Variants in GAS2 observed in about 807,000 individuals in gnomAD.
GAS2 encodes the protein growth arrest specific 2.
In GAS2, 20 loss-of-function variants were observed where a neutral mutation model predicts 37.5. The observed-to-expected ratio is 0.53, with a 90% CI of 0.37 to 0.77. The LOEUF (loss-of-function observed/expected upper bound fraction) is 0.77. Among genes scored for constraint, GAS2 ranks in the 30% least tolerant of loss-of-function variants. GAS2 has a pLI of 0.00. For missense variants in GAS2, 336 were observed against 373.4 expected, an observed-to-expected ratio of 0.90 and a Z score of 0.82; for synonymous variants, 144 against 132.2, an observed-to-expected ratio of 1.09 and a Z score of -0.61.
rs1015725857 is a variant in GAS2 at position 22,636,169 on chromosome 11, T to G, written c.-21+10356T>G. Among the ~76,000 whole-genome samples, 4 of 152,126 alleles carry G rather than the reference T, an allele frequency of 2.6e-5. 1 individual carries two copies. The highest frequency in any genetic ancestry group is 1.5e-5 in the Non-Finnish European group (1 of 68,030). On this transcript the variant is annotated intron_variant, in intron 1 of 5. Coordinates refer to the GAS2 transcript ENST00000528582. ...TCCTGTGTTGCTTCTTGGAGAAAAG[T>G]TCACAGCATGAATCTCTACACAGTA...
chr11:22,740,454 G>A (rs751543047), intron 5 of GAS2, among the ~76,000 whole-genome samples: 25 of 151,978 alleles, frequency 1.6e-4, no homozygotes, highest in Admixed American at 5.2e-4. Flanking sequence ...GAACTATTGT[G>A]TACCTTCAGC....
At chr11:22,731,043 A>T (rs1363438976) in intron 4 of GAS2, among the ~76,000 whole-genome samples, 9 of 151,742 alleles carry the variant, frequency 5.9e-5, no homozygotes, top group African/African-American at 2.2e-4. Context: ...CATGAAATTG[A>T]TGCTTTTATG....
chr11:22,706,547 A>C, intron 3 of GAS2, among the ~76,000 whole-genome samples: 3 of 148,728 alleles, frequency 2.0e-5, no homozygotes, highest in African/African-American at 7.5e-5. Context: ...ATGTGATCTC[A>C]TTGTTCAATT....
intron 1 of GAS2, among the ~76,000 whole-genome samples, chr11:22,650,415 C>T (rs1166034001): frequency 9.9e-5 from 15 of 151,920 alleles, no homozygotes; most frequent in Admixed American, 9.2e-4. Flanking sequence ...GTGGAGAGTT[C>T]TGTAGATGTC....
chr11:22,791,548 A>G (rs1856164081), intron 7 of GAS2, among the ~76,000 whole-genome samples: 1 of 152,240 alleles, frequency 6.6e-6, no homozygotes, highest in African/African-American at 2.4e-5. Flanking sequence ...GAGGCCACTA[A>G]TGTGACTTTA....
intron 7 of GAS2, among the ~76,000 whole-genome samples, chr11:22,784,507 T>G (rs1369573799): frequency 1.3e-5 from 2 of 152,162 alleles, no homozygotes; most frequent in African/African-American, 4.8e-5. Context: ...TTTCATTATC[T>G]GTAGAATGGA....
chr11:22,783,312 C>G (rs1335563546), intron 7 of GAS2, among the ~76,000 whole-genome samples: 1 of 151,922 alleles, frequency 6.6e-6, no homozygotes, highest in Non-Finnish European at 1.5e-5. Flanking sequence ...CTGTTGAATT[C>G]TTTAAGTTCT....
intron 7 of GAS2, among the ~76,000 whole-genome samples, chr11:22,807,481 G>A (rs1438657903): frequency 6.6e-6 from 1 of 152,204 alleles, no homozygotes; most frequent in African/African-American, 2.4e-5. Flanking sequence ...TAAATTGTCT[G>A]TTCATTATTT....
At chr11:22,801,673 A>T (rs1484445937) in intron 7 of GAS2, among the ~76,000 whole-genome samples, 1 of 152,104 alleles carries the variant, frequency 6.6e-6, no homozygotes, top group East Asian at 1.9e-4. Flanking sequence ...CATATGCTAG[A>T]TGGGGAATAA....
chr11:22,701,884 T>A (rs1227427278), intron 3 of GAS2, among the ~76,000 whole-genome samples: 1 of 152,054 alleles, frequency 6.6e-6, no homozygotes, highest in East Asian at 1.9e-4. Flanking sequence ...AAGTCACAGG[T>A]CTTAAGTAAG....
At chr11:22,642,540 G>A (rs921386476) in intron 1 of GAS2, among the ~76,000 whole-genome samples, 1 of 151,980 alleles carries the variant, frequency 6.6e-6, no homozygotes, top group Non-Finnish European at 1.5e-5. Context: ...CACTCTTTAA[G>A]GGCCCCTGGA....
At chr11:22,705,806 A>G (rs758609684) in intron 3 of GAS2, among the ~76,000 whole-genome samples, 1 of 152,200 alleles carries the variant, frequency 6.6e-6, no homozygotes, top group Non-Finnish European at 1.5e-5. Context: ...AGTGAATTTC[A>G]ACTGCTGTGT....
At chr11:22,749,094 T>C (rs757559182) in intron 5 of GAS2, 26 bp from the exon 6 acceptor site, 1 of 1,594,214 alleles carries the variant, frequency 6.3e-7, no homozygotes, top group Admixed American at 1.8e-5. Context: ...GTTATGCATA[T>C]GTAATGATCC....
Position 22,798,973 on chromosome 11 carries a change from T to C in GAS2, c.724-12825T>C, listed in dbSNP as rs565174032. Among the ~76,000 whole-genome samples, 4 of 152,210 alleles carry C rather than the reference T, an allele frequency of 2.6e-5. No homozygotes were observed. The South Asian group carries it at 8.3e-4, about 32-fold the overall frequency. ...TGTCCTATAAATTAATTTAACACTTTTCCTCTGGAGAGCAGATGACTGCAT... is the reference window on the plus strand; with the variant it reads ...TGTCCTATAAATTAATTTAACACTTCTCCTCTGGAGAGCAGATGACTGCAT... On this transcript the variant is annotated intron_variant, in intron 7 of 7. Coordinates refer to ENST00000454584, the MANE Select transcript of GAS2 (RefSeq NM_001143830.3).
chr11:22,766,191 A>G (rs1854683750), intron 7 of GAS2, among the ~76,000 whole-genome samples: 1 of 151,702 alleles, frequency 6.6e-6, no homozygotes, highest in Admixed American at 6.6e-5. Flanking sequence ...ACTATTTAAT[A>G]CTCACCAAAT....
At chr11:22,748,629 T>C (rs1344367316) in intron 5 of GAS2, among the ~76,000 whole-genome samples, 1 of 152,092 alleles carries the variant, frequency 6.6e-6, no homozygotes, top group Admixed American at 6.6e-5. Context: ...TCTGGACCCA[T>C]AGGAAATATA....
At chr11:22,637,318 ATAT>A (rs1477563895) in intron 1 of GAS2, among the ~76,000 whole-genome samples, 1 of 101,024 alleles carries the variant, frequency 9.9e-6, no homozygotes, top group African/African-American at 4.6e-5. Context: ...TAGTATACTA[ATAT>A]AATATTAATT....
chr11:22,733,029 A>G (rs758619930), intron 4 of GAS2, among the ~76,000 whole-genome samples: 7 of 151,444 alleles, frequency 4.6e-5, no homozygotes, highest in Non-Finnish European at 1.0e-4. Flanking sequence ...TAGGTCCCCA[A>G]ATTTGCATTT....
chr11:22,671,025 A>T (rs543034173), intron 1 of GAS2, among the ~76,000 whole-genome samples: 1 of 152,286 alleles, frequency 6.6e-6, no homozygotes, highest in East Asian at 1.9e-4. Flanking sequence ...GCATGGAAGA[A>T]TACTTTTTCT....
Sources: allele counts gnomAD v4.1 joint callset (sites outside exome capture counted in the v4.1 genomes callset), GRCh38; gene constraint gnomAD v4.1.1; transcripts MANE v1.5; gene names NCBI Gene and HGNC (gene_info 2026-07-23, HGNC 2026-07-21).